SFRP1: variants seen among roughly 807,000 people sequenced by gnomAD.
SFRP1 encodes the protein secreted frizzled-related protein 1.
SFRP1 carries 9 observed loss-of-function variants against 25.9 expected under a neutral mutation model. That is an observed-to-expected ratio of 0.35 (90% CI 0.21 to 0.61). The LOEUF (loss-of-function observed/expected upper bound fraction) is 0.61, where lower values mean the gene tolerates loss of function less well. SFRP1 is among the 20% of genes least tolerant of loss of function. SFRP1 has a pLI of 0.78. For synonymous variants in SFRP1, 178 were observed against 174.0 expected (o/e 1.02, Z -0.18); for missense variants, 346 against 418.2 (o/e 0.83, Z 1.51).
intron 2 of SFRP1, among the ~76,000 whole-genome samples, chr8:41,273,419 G>C (rs1442084703): frequency 8.6e-5 from 13 of 152,024 alleles, no homozygotes; most frequent in Non-Finnish European, 1.9e-4. Flanking sequence ...TTGAACTCGG[G>C]AGGCAGAGGC....
At chr8:41,303,129 T>G (rs1177866002) in intron 2 of SFRP1, among the ~76,000 whole-genome samples, 1 of 150,664 alleles carries the variant, frequency 6.6e-6, no homozygotes, top group Non-Finnish European at 1.5e-5. Flanking sequence ...TGGCAACTTG[T>G]ACTCCCTGCA....
chr8:41,266,177 A>G (rs1476853724), intron 2 of SFRP1, among the ~76,000 whole-genome samples: 1 of 151,958 alleles, frequency 6.6e-6, no homozygotes, highest in Non-Finnish European at 1.5e-5. Flanking sequence ...AAAAAAAAAA[A>G]TCAAGGTCTC....
chr8:41,306,735 G>A, intron 1 of SFRP1: 1 of 1,597,982 alleles, frequency 6.3e-7, no homozygotes, highest in Non-Finnish European at 8.5e-7. Flanking sequence ...AGCGCTGCTG[G>A]GAGGAGTGGA....
rs397893046 is a variant in SFRP1, at chr8:41,288,530, CAAAAAAAAAAAAAAAAAAAAAAAA to C, written c.622+14907_622+14930del. On this transcript the variant is annotated intron_variant, in intron 2 of 2. Transcript: ENST00000220772. ...CCAGCCTGGGCAAAGAGACCCTGTC[CAAAAAAAAAAAAAAAAAAAAAAAA>C]AAAAAAAAAAAAAACTGCAATGCAC... 9.2e-4 allele frequency among the ~76,000 whole-genome samples: 36 copies of C among 39,110 alleles called. No homozygotes were observed. In the Admixed American group the frequency reaches 9.6e-3, roughly 10 times the overall value. 25.7% of individuals were successfully genotyped at this position (39,110 alleles called of 152,430 possible).
At chr8:41,287,903 A>C (rs552442608) in intron 2 of SFRP1, among the ~76,000 whole-genome samples, 1 of 152,294 alleles carries the variant, frequency 6.6e-6, no homozygotes, top group South Asian at 2.1e-4. Context: ...TAAGAGAGCA[A>C]CTGGGACTGG....
At chr8:41,303,609 G>T in intron 1 of SFRP1, 71 bp from the exon 2 acceptor site, 2 of 1,259,664 alleles carry the variant, frequency 1.6e-6, no homozygotes, top group Non-Finnish European at 2.3e-6. Context: ...CTGGGGAAAA[G>T]ATCGGCCCTG....
chr8:41,277,701 G>C (rs1192905108), intron 2 of SFRP1, among the ~76,000 whole-genome samples: 2 of 152,164 alleles, frequency 1.3e-5, no homozygotes, highest in Non-Finnish European at 2.9e-5. Context: ...CTGCAGCCTT[G>C]AACTCCAGGG....
At chr8:41,270,336 G>T (rs1803488711) in intron 2 of SFRP1, among the ~76,000 whole-genome samples, 1 of 152,104 alleles carries the variant, frequency 6.6e-6, no homozygotes, top group South Asian at 2.1e-4. Context: ...AGTGGTAAAG[G>T]AAAAAAGAAC....
intron 2 of SFRP1, among the ~76,000 whole-genome samples, chr8:41,303,094 G>C (rs75754308): frequency 3.3e-5 from 5 of 149,616 alleles, no homozygotes; most frequent in African/African-American, 7.4e-5. Context: ...GGAAAAAACC[G>C]GGCCCAACCA....
chr8:41,282,369 C>T (rs932664882), intron 2 of SFRP1, among the ~76,000 whole-genome samples: 9 of 152,102 alleles, frequency 5.9e-5, no homozygotes, highest in East Asian at 5.8e-4. Context: ...TTTAACTAGT[C>T]GGGCTTGGTC....
intron 2 of SFRP1, among the ~76,000 whole-genome samples, chr8:41,290,779 G>A (rs1307744170): frequency 6.6e-6 from 1 of 150,790 alleles, no homozygotes; most frequent in Non-Finnish European, 1.5e-5. Context: ...CCCTCACTCA[G>A]AGACTCCCTG....
intron 1 of SFRP1, chr8:41,306,985 A>G: frequency 1.0e-5 from 15 of 1,468,768 alleles, no homozygotes; most frequent in Non-Finnish European, 1.3e-5. Context: ...GTGTCCACTC[A>G]TGTCTGCAGA....
At chr8:41,299,598 G>A (rs148465775) in intron 2 of SFRP1, among the ~76,000 whole-genome samples, 3 of 40,060 alleles carry the variant, frequency 7.5e-5, no homozygotes, top group East Asian at 8.9e-4. Flanking sequence ...CCCGGGGGGC[G>A]GAGATTGCAG....
At chr8:41,292,537 A>T (rs1803790822) in intron 2 of SFRP1, among the ~76,000 whole-genome samples, 1 of 152,224 alleles carries the variant, frequency 6.6e-6, no homozygotes, top group Non-Finnish European at 1.5e-5. Flanking sequence ...CTGTGAGTCA[A>T]TTAAACCTCT....
chr8:41,302,930 A>G (rs1803943575), intron 2 of SFRP1, among the ~76,000 whole-genome samples: 1 of 151,708 alleles, frequency 6.6e-6, no homozygotes, highest in Admixed American at 6.6e-5. Context: ...GCCTCGCGGA[A>G]CCTGATGAGG....
chr8:41,291,325 C>T (rs948925707), intron 2 of SFRP1, among the ~76,000 whole-genome samples: 1 of 152,180 alleles, frequency 6.6e-6, no homozygotes, highest in African/African-American at 2.4e-5. Flanking sequence ...CAGGTTGCCG[C>T]ACAAGCTGGC....
At chr8:41,287,860 A>C (rs997156656) in intron 2 of SFRP1, among the ~76,000 whole-genome samples, 3 of 152,214 alleles carry the variant, frequency 2.0e-5, no homozygotes, top group Admixed American at 6.5e-5. Context: ...CCACATAAAC[A>C]GGAAGCCCTT....
intron 2 of SFRP1, among the ~76,000 whole-genome samples, chr8:41,285,859 T>A (rs926279179): frequency 6.6e-6 from 1 of 151,806 alleles, no homozygotes; most frequent in African/African-American, 2.4e-5. Flanking sequence ...GGGTCGGGGG[T>A]GCCAATGATC....
intron 2 of SFRP1, among the ~76,000 whole-genome samples, chr8:41,269,235 T>C (rs1296842367): frequency 1.3e-5 from 2 of 152,190 alleles, no homozygotes; most frequent in East Asian, 3.9e-4. Context: ...TAGACCCTAA[T>C]CTAAAACCAA....
Sources: gnomAD v4.1 joint callset for allele counts (sites outside exome capture counted in the v4.1 genomes callset) on GRCh38, gnomAD v4.1.1 for gene constraint, MANE v1.5 for transcripts, NCBI Gene and HGNC (gene_info 2026-07-23, HGNC 2026-07-21) for gene names.